The following MKX variants were observed in gnomAD, a reference collection of about 807,000 sequenced individuals.
The protein encoded by MKX is homeobox protein Mohawk.
In MKX, 13 loss-of-function variants were observed where a neutral mutation model predicts 36.0. The observed-to-expected ratio is 0.36, with a 90% CI of 0.24 to 0.57. MKX has a LOEUF of 0.57. MKX is among the 20% of genes least tolerant of loss of function. MKX has a pLI of 0.79. For missense variants in MKX, 458 were observed against 456.4 expected (o/e 1.00, Z -0.03); for synonymous variants, 176 against 178.3 (o/e 0.99, Z 0.10).
At chr10:27,729,975 TG>T (rs1218625370) in intron 5 of MKX, among the ~76,000 whole-genome samples, 2 of 151,692 alleles carry the variant, frequency 1.3e-5, no homozygotes, top group African/African-American at 4.8e-5. Flanking sequence ...GCAGACCACC[TG>T]GGGGCTAGAG....
intron 5 of MKX, among the ~76,000 whole-genome samples, chr10:27,709,816 A>G (rs758150123): frequency 1.3e-5 from 2 of 152,226 alleles, no homozygotes; most frequent in African/African-American, 2.4e-5. Context: ...AGTGCTGTCA[A>G]TAGAATTATA....
At chr10:27,682,616 G>C (rs947740369) in intron 5 of MKX, among the ~76,000 whole-genome samples, 3 of 152,206 alleles carry the variant, frequency 2.0e-5, no homozygotes. Flanking sequence ...CCACGGACCA[G>C]GGATGGGGGT....
intron 5 of MKX, 98 bp downstream of exon 5, chr10:27,734,358 T>A: frequency 9.2e-7 from 1 of 1,092,210 alleles, no homozygotes. Flanking sequence ...GTGAATAATC[T>A]GATGTCTTTA....
chr10:27,714,871 C>A (rs1836936086), intron 5 of MKX, among the ~76,000 whole-genome samples: 1 of 152,156 alleles, frequency 6.6e-6, no homozygotes, highest in Non-Finnish European at 1.5e-5. Context: ...CAAGGTGCAA[C>A]TTTATTTTCT....
At chr10:27,699,463 A>G (rs1048401360) in intron 5 of MKX, among the ~76,000 whole-genome samples, 6 of 152,244 alleles carry the variant, frequency 3.9e-5, no homozygotes, top group African/African-American at 1.4e-4. Flanking sequence ...AGTTAATGAC[A>G]ACACAAAGCT....
intron 5 of MKX, among the ~76,000 whole-genome samples, chr10:27,679,449 A>G (rs1057177234): frequency 9.9e-5 from 15 of 152,268 alleles, no homozygotes; most frequent in African/African-American, 3.6e-4. Flanking sequence ...CAAAAAATGA[A>G]TTGATGTTAG....
chr10:27,685,393 G>A (rs1211065202), intron 5 of MKX, among the ~76,000 whole-genome samples: 1 of 151,546 alleles, frequency 6.6e-6, no homozygotes, highest in Non-Finnish European at 1.5e-5. Flanking sequence ...TGTAGAATAG[G>A]GAATTCAAGT....
At chr10:27,682,122 T>G (rs1159004540) in intron 5 of MKX, among the ~76,000 whole-genome samples, 1 of 152,082 alleles carries the variant, frequency 6.6e-6, no homozygotes, top group Non-Finnish European at 1.5e-5. Context: ...GGTTAATGTG[T>G]GTGTTTGTGG....
In MKX at chr10:27,735,319, G is replaced by C; in HGVS notation, c.404C>G (p.Pro135Arg). The change falls in exon 4 of 7, where the codon CCA (proline) becomes CGA (arginine). Residue 135 changes from proline to arginine, a missense_variant. Around this residue, in one of 3 missense-constraint regions of MKX, gnomAD observed 297 missense variants for 304.4 expected, o/e 0.98. Transcript: ENST00000419761. ...TATTCTCAAAGCCCAGCTTAAATCT[G>C]GCTGTCGAACGGTATTCTTAAGCCG... ...RRRLKNTVRQPDLSWALRIKL... is the reference protein window; with the variant it reads ...RRRLKNTVRQRDLSWALRIKL... The C allele has an allele frequency of 1.2e-6, 2 of 1,613,788 alleles. No homozygotes were observed. Among genetic ancestry groups the C allele is most frequent in the South Asian group, 1.1e-5 (1 of 91,036 alleles).
At chr10:27,717,361 T>C (rs1292959538) in intron 5 of MKX, among the ~76,000 whole-genome samples, 2 of 152,220 alleles carry the variant, frequency 1.3e-5, no homozygotes, top group African/African-American at 4.8e-5. Flanking sequence ...TACATATGCA[T>C]TAAAAACTGT....
intron 5 of MKX, among the ~76,000 whole-genome samples, chr10:27,724,431 G>A (rs1834443256): frequency 6.6e-6 from 1 of 152,174 alleles, no homozygotes; most frequent in South Asian, 2.1e-4. Context: ...GTTTGGTTGT[G>A]TGACCTGAGC....
At chr10:27,712,416 CAG>C (rs1293802748) in intron 5 of MKX, among the ~76,000 whole-genome samples, 3 of 152,142 alleles carry the variant, frequency 2.0e-5, no homozygotes, top group African/African-American at 7.2e-5. Flanking sequence ...GAGCATGGAA[CAG>C]AGTTTGGGAG....
chr10:27,712,883 G>A (rs752335630), intron 5 of MKX, among the ~76,000 whole-genome samples: 1 of 152,108 alleles, frequency 6.6e-6, no homozygotes, highest in Non-Finnish European at 1.5e-5. Flanking sequence ...GTGGCAGTGA[G>A]CCATGATCAT....
chr10:27,691,146 T>C (rs2132509630), intron 5 of MKX, among the ~76,000 whole-genome samples: 1 of 152,258 alleles, frequency 6.6e-6, no homozygotes, highest in Non-Finnish European at 1.5e-5. Context: ...TTTATAGCCA[T>C]GTGAGAATGG....
intron 5 of MKX, among the ~76,000 whole-genome samples, chr10:27,727,922 A>T (rs1834527596): frequency 6.6e-6 from 1 of 152,318 alleles, no homozygotes; most frequent in African/African-American, 2.4e-5. Context: ...TCTATTTTTT[A>T]AATTGGTCCT....
chr10:27,713,762 G>C (rs964144119), intron 5 of MKX, among the ~76,000 whole-genome samples: 1 of 152,088 alleles, frequency 6.6e-6, no homozygotes, highest in African/African-American at 2.4e-5. Context: ...TCTAATACCA[G>C]AATAGTAAGT....
intron 5 of MKX, among the ~76,000 whole-genome samples, chr10:27,730,346 A>G (rs1272855258): frequency 6.6e-6 from 1 of 152,166 alleles, no homozygotes; most frequent in Non-Finnish European, 1.5e-5. Context: ...TAATATCTTC[A>G]ATTAGGATTA....
At chr10:27,677,870 G>C (rs886348115) in intron 5 of MKX, among the ~76,000 whole-genome samples, 16 of 152,188 alleles carry the variant, frequency 1.1e-4, no homozygotes, top group Non-Finnish European at 2.2e-4. Context: ...TTGGATCTGT[G>C]AACAGTTAGA....
At chr10:27,685,762 T>G (rs775035480) in intron 5 of MKX, among the ~76,000 whole-genome samples, 4 of 152,170 alleles carry the variant, frequency 2.6e-5, no homozygotes, top group Non-Finnish European at 4.4e-5. Flanking sequence ...GTAGAGCGAT[T>G]TCTAATCGAA....
Sources: gnomAD v4.1 joint callset for allele counts (sites outside exome capture counted in the v4.1 genomes callset) on GRCh38, gnomAD v4.1.1 for gene constraint, gnomAD v4.1.1 regional missense constraint, MANE v1.5 for transcripts, NCBI Gene and HGNC (gene_info 2026-07-23, HGNC 2026-07-21) for gene names.